Variants in SERPINE2 observed in about 807,000 individuals in gnomAD.
SERPINE2 encodes the protein serpin family E member 2, also known as glia-derived nexin.
In SERPINE2, 14 loss-of-function variants were observed where a neutral mutation model predicts 36.3. That is an observed-to-expected ratio of 0.39 (90% confidence interval 0.25 to 0.60). The LOEUF is 0.60. SERPINE2 is among the 20% of genes least tolerant of loss of function. SERPINE2 has a pLI of 0.57. For missense variants in SERPINE2, 418 were observed against 499.6 expected (o/e 0.84, Z 1.56); for synonymous variants, 192 against 191.8 (o/e 1.00, Z -0.01).
Position 224,000,067 on chromosome 2 carries a change from G to A in SERPINE2, c.259+1575C>T, listed in dbSNP as rs543736288. Among the ~76,000 whole-genome samples the A allele has an allele frequency of 1.1e-4, 17 of 152,328 alleles. No individual in the cohort carries two copies. In the East Asian group the frequency reaches 1.5e-3, roughly 14 times the overall value. On this transcript the variant is annotated intron_variant, in intron 2 of 8. Coordinates refer to ENST00000409304, the MANE Select transcript of SERPINE2 (RefSeq NM_001136528.2). The stretch of plus-strand genomic sequence containing the variant: ...CCTGGAGGCCACGCTGAGCAGAGTC[G>A]GAGGCGGGTGCAGAGCGAGGCACTG...
At chr2:224,003,236 G>A (rs896439966) in intron 1 of SERPINE2, among the ~76,000 whole-genome samples, 7 of 152,090 alleles carry the variant, frequency 4.6e-5, no homozygotes, top group Non-Finnish European at 7.4e-5. Flanking sequence ...GTGTGGATGT[G>A]AAATCAAGGT....
At chr2:224,008,415 T>C (rs112713512) in intron 1 of SERPINE2, among the ~76,000 whole-genome samples, 5,232 of 152,336 alleles carry the variant, frequency 0.034, 149 homozygotes, top group Non-Finnish European at 0.048. Context: ...TCATTTCCCA[T>C]ATCCAACAGT....
At chr2:224,033,636 C>T (rs572857072) in intron 1 of SERPINE2, among the ~76,000 whole-genome samples, 15 of 145,024 alleles carry the variant, frequency 1.0e-4, no homozygotes, top group Non-Finnish European at 1.8e-4. Context: ...ATGTGACTGA[C>T]GATACCAGCC....
intron 1 of SERPINE2, among the ~76,000 whole-genome samples, chr2:224,007,063 T>C (rs1034993206): frequency 1.3e-5 from 2 of 152,210 alleles, no homozygotes; most frequent in African/African-American, 2.4e-5. Flanking sequence ...ACACAAAACA[T>C]GAAGCTCATT....
chr2:224,002,204 T>A (rs1438145743), intron 1 of SERPINE2, among the ~76,000 whole-genome samples: 1 of 152,108 alleles, frequency 6.6e-6, no homozygotes, highest in African/African-American at 2.4e-5. Flanking sequence ...CTCAAACTCC[T>A]GACCTCAAGT....
intron 1 of SERPINE2, among the ~76,000 whole-genome samples, chr2:224,022,136 G>A (rs1692022993): frequency 8.0e-6 from 1 of 124,238 alleles, no homozygotes; most frequent in African/African-American, 2.8e-5. Context: ...TCCAGCCTGG[G>A]CAACAGAGCG....
intron 1 of SERPINE2, among the ~76,000 whole-genome samples, chr2:224,037,863 C>T (rs1692582308): frequency 6.6e-6 from 1 of 152,130 alleles, no homozygotes; most frequent in African/African-American, 2.4e-5. Context: ...AGTAATTGCC[C>T]TGCATGGTAC....
chr2:224,020,288 T>C (rs562387643), intron 1 of SERPINE2, among the ~76,000 whole-genome samples: 71 of 152,092 alleles, frequency 4.7e-4, no homozygotes, highest in African/African-American at 1.6e-3. Flanking sequence ...GTACGAAGAA[T>C]AGAAAGAAAG....
At chr2:224,021,028 C>T (rs773195955) in intron 1 of SERPINE2, among the ~76,000 whole-genome samples, 1 of 152,180 alleles carries the variant, frequency 6.6e-6, no homozygotes, top group African/African-American at 2.4e-5. Flanking sequence ...TGGTTCAAAC[C>T]TCTACGGCCC....
intron 1 of SERPINE2, among the ~76,000 whole-genome samples, chr2:224,005,865 G>A (rs1406854140): frequency 1.3e-5 from 2 of 152,178 alleles, no homozygotes; most frequent in African/African-American, 4.8e-5. Flanking sequence ...TCATTGGAGG[G>A]AAGATCATAA....
intron 3 of SERPINE2, among the ~76,000 whole-genome samples, chr2:223,995,674 T>C (rs1181831727): frequency 5.3e-5 from 8 of 152,376 alleles, no homozygotes; most frequent in African/African-American, 1.9e-4. Context: ...GCCAGGAATG[T>C]GAGTCCCACG....
At chr2:224,016,224 G>T (rs1041609938) in intron 1 of SERPINE2, among the ~76,000 whole-genome samples, 1 of 152,228 alleles carries the variant, frequency 6.6e-6, no homozygotes, top group South Asian at 2.1e-4. Flanking sequence ...GGTAGGTCAG[G>T]TGCAGTGGCT....
chr2:224,024,756 C>T (rs991861754), intron 1 of SERPINE2, among the ~76,000 whole-genome samples: 1 of 152,202 alleles, frequency 6.6e-6, no homozygotes. Context: ...CGCCTGCTGC[C>T]CTGCTGCCAA....
intron 4 of SERPINE2, among the ~76,000 whole-genome samples, chr2:223,991,107 T>C (rs1270174205): frequency 6.6e-6 from 1 of 152,236 alleles, no homozygotes; most frequent in Non-Finnish European, 1.5e-5. Flanking sequence ...ATAAGCGAGA[T>C]TGATATCTGC....
intron 2 of SERPINE2, among the ~76,000 whole-genome samples, chr2:223,999,936 T>A (rs1340504795): frequency 6.6e-6 from 1 of 152,148 alleles, no homozygotes. Flanking sequence ...GTGTTCCAAG[T>A]ATTTAGTCCT....
intron 8 of SERPINE2, among the ~76,000 whole-genome samples, chr2:223,976,903 G>A (rs1559191177): frequency 6.6e-6 from 1 of 152,224 alleles, no homozygotes; most frequent in South Asian, 2.1e-4. Context: ...TATATCAAGG[G>A]CAGGACCAGG....
intron 1 of SERPINE2, among the ~76,000 whole-genome samples, chr2:224,018,208 C>T (rs184938817): frequency 6.6e-6 from 1 of 152,118 alleles, no homozygotes; most frequent in African/African-American, 2.4e-5. Flanking sequence ...CAGGCTCTGG[C>T]GATTTTCCTT....
intron 1 of SERPINE2, among the ~76,000 whole-genome samples, chr2:224,004,066 G>C (rs866695331): frequency 5.3e-5 from 8 of 152,300 alleles, no homozygotes; most frequent in Middle Eastern, 3.4e-3. Flanking sequence ...AAACACTTGT[G>C]AGATTAATCC....
intron 1 of SERPINE2, among the ~76,000 whole-genome samples, chr2:224,035,745 T>C (rs1188979992): frequency 2.6e-5 from 4 of 152,166 alleles, no homozygotes; most frequent in Non-Finnish European, 5.9e-5. Flanking sequence ...TTAACTCAAG[T>C]TGTATATACT....
Sources: allele counts gnomAD v4.1 joint callset (sites outside exome capture counted in the v4.1 genomes callset), GRCh38; gene constraint gnomAD v4.1.1; transcripts MANE v1.5; gene names NCBI Gene and HGNC (gene_info 2026-07-23, HGNC 2026-07-21).